Variants in SGCD observed in about 807,000 individuals in gnomAD.
SGCD encodes the protein delta-sarcoglycan.
In SGCD, 18 loss-of-function variants were observed where a neutral mutation model predicts 36.6. That is an observed-to-expected ratio of 0.49 (90% CI 0.34 to 0.73). The LOEUF is 0.73. Ranked by LOEUF, SGCD falls within the 30% of genes least tolerant of loss-of-function variation. The pLI, the probability that SGCD is intolerant of heterozygous loss-of-function variation, is 0.01. For synonymous variants in SGCD, 133 were observed against 130.6 expected (o/e 1.02, Z -0.12); for missense variants, 387 against 346.7 (o/e 1.12, Z -0.92).
At chr5:156,450,352 A>G (rs1189674297) in intron 3 of SGCD, among the ~76,000 whole-genome samples, 2 of 152,108 alleles carry the variant, frequency 1.3e-5, no homozygotes, top group Non-Finnish European at 2.9e-5. Context: ...CCCAGCTCAC[A>G]TAGGTCCTAT....
the SGCD span, among the ~76,000 whole-genome samples, chr5:155,852,575 A>C: frequency 6.6e-6 from 1 of 152,172 alleles, no homozygotes; most frequent in Admixed American, 6.6e-5. Flanking sequence ...AAGAAGTAGG[A>C]GGATGGAACA....
rs112702316 is a variant in SGCD, at chr5:156,008,644, A to G, written c.-281-109234A>G. Among the ~76,000 whole-genome samples the G allele has an allele frequency of 5.4e-3, 821 of 152,320 alleles. 8 individuals are homozygous for G. Among genetic ancestry groups the G allele is most frequent in the African/African-American group, 0.019 (770 of 41,582 alleles). ...TCCGGCCTCAGCCTCTCAAAGCATT[A>G]GGTTTACAGGCATGAACCATGGTGC... On this transcript the variant is annotated intron_variant, in intron 1 of 9. Transcript: ENST00000517913.
chr5:155,791,799 G>C, the SGCD span, among the ~76,000 whole-genome samples: 1 of 152,060 alleles, frequency 6.6e-6, no homozygotes, highest in Admixed American at 6.6e-5. Flanking sequence ...CTCATGAATT[G>C]GAAGAGTCAG....
chr5:156,595,117 T>C, intron 6 of SGCD, 66 bp downstream of exon 6: 1 of 1,530,242 alleles, frequency 6.5e-7, no homozygotes, highest in South Asian at 1.3e-5. Flanking sequence ...AGAAGCAAAA[T>C]GGTGTTATGA....
intron 1 of SGCD, among the ~76,000 whole-genome samples, chr5:155,916,978 A>G (rs949801375): frequency 6.6e-6 from 1 of 152,148 alleles, no homozygotes; most frequent in Non-Finnish European, 1.5e-5. Flanking sequence ...TTAAACTGTG[A>G]CATTCTTGCT....
At chr5:156,731,487 A>T (rs1753851279) in intron 7 of SGCD, among the ~76,000 whole-genome samples, 1 of 152,164 alleles carries the variant, frequency 6.6e-6, no homozygotes, top group Non-Finnish European at 1.5e-5. Context: ...CCATTTATTG[A>T]ATAGGGAGTC....
intron 1 of SGCD, among the ~76,000 whole-genome samples, chr5:156,094,488 C>A (rs1345229615): frequency 2.6e-5 from 4 of 152,206 alleles, no homozygotes; most frequent in African/African-American, 9.7e-5. Flanking sequence ...GGTATTTATT[C>A]TCATTTCCCA....
rs545021763 is a variant in SGCD, at chr5:156,761,866, A to G, written c.*2476A>G. 2.6e-5 allele frequency: 4 copies of G among 152,358 alleles called. No individual in the cohort carries two copies. Among genetic ancestry groups the G allele is most frequent in the African/African-American group, 9.6e-5 (4 of 41,586 alleles). The allele number at this position is 152,358 out of a possible 1,614,324, so 9.4% of individuals were successfully genotyped here. A position where few individuals can be genotyped will look rare whatever the true frequency, so the allele number is the denominator to read the frequency against. ...AGAATAAAAATAAGAGCAATCAACC[A>G]TATAAATCAAGTACCTATTGGGAAC... is the stretch of plus-strand genomic sequence containing the variant. On this transcript the variant is annotated 3_prime_UTR_variant, in exon 9 of 9. Coordinates refer to ENST00000337851, the MANE Select transcript of SGCD (RefSeq NM_000337.6).
chr5:156,469,277 T>C (rs1754853513), intron 3 of SGCD, among the ~76,000 whole-genome samples: 1 of 152,186 alleles, frequency 6.6e-6, no homozygotes, highest in Admixed American at 6.5e-5. Context: ...TTCTCAAAGA[T>C]CCATGACACA....
At position 156,292,302 on chromosome 5, in the gene SGCD, C is replaced by A. The variant is rs145849678; in HGVS notation, c.-43-37232C>A. Among the ~76,000 whole-genome samples, 5 of 152,234 alleles carry A rather than the reference C, an allele frequency of 3.3e-5. No homozygotes were observed. The East Asian group carries it at 5.8e-4, about 18-fold the overall frequency. On this transcript the variant is annotated intron_variant, in intron 3 of 9. Coordinates refer to the SGCD transcript ENST00000517913. ...ATTTCACCTGCCCCTCAGGCCCTGG[C>A]AACCATCATTCTACTTTTTATCGCT...
At chr5:155,843,253 T>C in the SGCD span, among the ~76,000 whole-genome samples, 1 of 152,196 alleles carries the variant, frequency 6.6e-6, no homozygotes, top group Non-Finnish European at 1.5e-5. Flanking sequence ...TGTTCATTAA[T>C]GGGTTGAGGA....
intron 1 of SGCD, among the ~76,000 whole-genome samples, chr5:155,877,485 T>G (rs1304162673): frequency 6.6e-6 from 1 of 152,154 alleles, no homozygotes; most frequent in African/African-American, 2.4e-5. Context: ...CCTCACATAT[T>G]GAATGAGGTT....
chr5:156,752,467 A>C (rs1581530925), intron 7 of SGCD, among the ~76,000 whole-genome samples: 1 of 152,186 alleles, frequency 6.6e-6, no homozygotes, highest in East Asian at 1.9e-4. Context: ...ACCTCAGCTC[A>C]CTGCAACCTC....
intron 1 of SGCD, among the ~76,000 whole-genome samples, chr5:155,874,442 C>G (rs1755723642): frequency 6.6e-6 from 1 of 151,962 alleles, no homozygotes; most frequent in South Asian, 2.1e-4. Context: ...CATTTTTGCT[C>G]TTCTAAAAGC....
At chr5:156,637,713 T>G (rs867460188) in intron 6 of SGCD, among the ~76,000 whole-genome samples, 1 of 152,100 alleles carries the variant, frequency 6.6e-6, no homozygotes, top group African/African-American at 2.4e-5. Flanking sequence ...AAATGGTTGT[T>G]GACAAGGAAA....
At chr5:155,895,147 A>C (rs1200434483) in intron 1 of SGCD, among the ~76,000 whole-genome samples, 2 of 152,214 alleles carry the variant, frequency 1.3e-5, no homozygotes, top group African/African-American at 4.8e-5. Context: ...TTTCATAGGA[A>C]AATAGTCAGT....
At chr5:156,114,214 G>A (rs1761857010) in intron 1 of SGCD, among the ~76,000 whole-genome samples, 1 of 152,100 alleles carries the variant, frequency 6.6e-6, no homozygotes, top group Non-Finnish European at 1.5e-5. Flanking sequence ...ACGCCAGTTG[G>A]TGGGTTATGC....
At chr5:156,529,881 A>G (rs1271021544) in intron 4 of SGCD, among the ~76,000 whole-genome samples, 8 of 152,212 alleles carry the variant, frequency 5.3e-5, no homozygotes, top group Admixed American at 5.2e-4. Context: ...TTGCATTTCC[A>G]TGAATGATTG....
chr5:156,037,161 T>C (rs1313725911), intron 1 of SGCD, among the ~76,000 whole-genome samples: 1 of 152,164 alleles, frequency 6.6e-6, no homozygotes, highest in Non-Finnish European at 1.5e-5. Context: ...CTTGCTATGA[T>C]GGAAAAACAT....
Sources: gnomAD v4.1 joint callset for allele counts (sites outside exome capture counted in the v4.1 genomes callset) on GRCh38, gnomAD v4.1.1 for gene constraint, MANE v1.5 for transcripts, NCBI Gene and HGNC (gene_info 2026-07-23, HGNC 2026-07-21) for gene names.